SEC14L6: variants seen among roughly 807,000 people sequenced by gnomAD.
SEC14L6 encodes SEC14 like lipid binding 6.
SEC14L6 carries 40 observed loss-of-function variants against 54.1 expected under a neutral mutation model. The ratio of observed to expected loss-of-function variants is 0.74; its 90% CI spans 0.57 to 0.96. The LOEUF (loss-of-function observed/expected upper bound fraction) is 0.96, where lower values mean the gene tolerates loss of function less well. SEC14L6 is among the 40% of genes least tolerant of loss of function. The pLI is 0.00. For missense variants in SEC14L6, 471 were observed against 498.3 expected (o/e 0.95, Z 0.52); for synonymous variants, 171 against 198.4 (o/e 0.86, Z 1.16).
At chr22:30,534,654 G>A (rs1483645645) in intron 2 of SEC14L6, among the ~76,000 whole-genome samples, 3 of 151,868 alleles carry the variant, frequency 2.0e-5, no homozygotes, top group African/African-American at 2.4e-5. Context: ...CAAATGATCC[G>A]CCTGCCTCAC....
intron 6 of SEC14L6, 70 bp downstream of exon 6, chr22:30,531,833 C>T: frequency 8.8e-7 from 1 of 1,137,044 alleles, no homozygotes; most frequent in Non-Finnish European, 1.3e-6. Context: ...CCCTGCCCCA[C>T]ACCAGCAAGT....
At chr22:30,540,974 G>C (rs2085697027) in intron 1 of SEC14L6, among the ~76,000 whole-genome samples, 1 of 143,376 alleles carries the variant, frequency 7.0e-6, no homozygotes, top group African/African-American at 2.6e-5. Context: ...AGCTGAGATT[G>C]CACCACTGCA....
intron 2 of SEC14L6, among the ~76,000 whole-genome samples, chr22:30,536,382 C>A (rs547880432): frequency 2.6e-5 from 4 of 152,140 alleles, no homozygotes; most frequent in African/African-American, 9.7e-5. Flanking sequence ...CCGCCCACCC[C>A]CTACGAACCC....
intron 1 of SEC14L6, chr22:30,543,426 C>T: frequency 6.2e-7 from 1 of 1,609,224 alleles, no homozygotes; most frequent in East Asian, 2.2e-5. Context: ...TACAGTTGAC[C>T]TGGTTGGAGA....
In SEC14L6 at chr22:30,525,951, G is replaced by A; in HGVS notation, c.665-19C>T. 1 of 1,579,386 alleles carries A rather than the reference G, an allele frequency of 6.3e-7. No individual in the cohort carries two copies. Among genetic ancestry groups the A allele is most frequent in the Middle Eastern group, 1.7e-4 (1 of 5,802 alleles). The stretch of plus-strand genomic sequence containing the variant: ...CAGTTGTCTGCATGGGAGCAAGAGA[G>A]GGACTCCAAAGGGACTCAGGAGACT... On this transcript the variant is annotated intron_variant, in intron 8 of 11. Transcript: ENST00000402034.
intron 2 of SEC14L6, among the ~76,000 whole-genome samples, chr22:30,534,665 C>A (rs542413867): frequency 6.6e-6 from 1 of 152,202 alleles, no homozygotes; most frequent in African/African-American, 2.4e-5. Context: ...CCTGCCTCAC[C>A]CCCCAGAATG....
rs1462823988 is a variant in SEC14L6 at position 30,525,514 on chromosome 22, T to C, written c.917A>G (p.Gln306Arg). 6.2e-7 allele frequency: 1 copy of C among 1,613,892 alleles called. No individual in the cohort carries two copies. Among genetic ancestry groups the C allele is most frequent in the African/African-American group, 1.3e-5 (1 of 74,890 alleles). Residue 306 changes from glutamine (Q) to arginine (R), a missense_variant, in exon 11 of 12, where the codon CAG (glutamine) becomes CGG (arginine). Physicochemically the swap from Gln to Arg is conservative, Grantham distance 43 (BLOSUM62 1). Transcript: ENST00000402034. ...AATGTCCCCACCATCTGAAGCAAAC[T>C]GCCACCTGCAGTGGATAGAGCCCCA... ...ILFPGCVLRW[Q>R]FASDGGDIGF...
intron 8 of SEC14L6, among the ~76,000 whole-genome samples, chr22:30,528,215 C>T (rs917058648): frequency 2.0e-5 from 3 of 150,364 alleles, no homozygotes; most frequent in Non-Finnish European, 4.4e-5. Context: ...CTCCGCTTCC[C>T]GGGTTCAAGC....
At chr22:30,528,820 G>T (rs1158034253) in intron 8 of SEC14L6, among the ~76,000 whole-genome samples, 1 of 152,050 alleles carries the variant, frequency 6.6e-6, no homozygotes, top group African/African-American at 2.4e-5. Flanking sequence ...CTAATAACTG[G>T]CAAGGCCAAC....
At position 30,532,522 on chromosome 22, in the gene SEC14L6, C is replaced by T. The variant is rs1937014154; in HGVS notation, c.423+3G>A. ...GCAGCTGCCCAGGGTGGCACCCACACACCTTCTGACTCTGCAGCTCACACT... is the reference window on the plus strand; with the variant it reads ...GCAGCTGCCCAGGGTGGCACCCACATACCTTCTGACTCTGCAGCTCACACT... On this transcript the variant is annotated splice_donor_region_variant and intron_variant, in intron 5 of 11. Transcript: ENST00000402034. 1 of 1,546,028 alleles carries T rather than the reference C, an allele frequency of 6.5e-7. No individual in the cohort carries two copies. Among genetic ancestry groups the T allele is most frequent in the South Asian group, 1.2e-5 (1 of 83,474 alleles).
rs1297527496 is a variant in SEC14L6, at chr22:30,525,443, C to A, written c.988G>T (p.Ala330Ser). 1 of 1,614,084 alleles carries A rather than the reference C, an allele frequency of 6.2e-7. No homozygotes were observed. Among genetic ancestry groups the A allele is most frequent in the East Asian group, 2.2e-5 (1 of 44,892 alleles). ...LKTKMGERQRAREMTEVLPSQ... is the reference protein window; with the variant it reads ...LKTKMGERQRSREMTEVLPSQ... ...GGCAGCACCTCTGTCATCTCCCTAG[C>A]CCTCTGCCGCTCCCCCATCTTGGTC... Residue 330 changes from alanine (A) to serine (S), a missense_variant, in exon 11 of 12, where the codon GCT (alanine) becomes TCT (serine). Ala to Ser is a moderately conservative substitution (Grantham distance 99). Transcript: ENST00000402034.
Position 30,525,664 on chromosome 22 carries a change from G to A in SEC14L6, c.858C>T (p.Arg286=), listed in dbSNP as rs199773465. ...LQYEHTRSVG[R]GSSLQVENEI... The stretch of plus-strand genomic sequence containing the variant: ...CGTTCTCCACCTGCAGGGAGGAGCC[G>A]CGGCCCACGGACCTCGTGTGCTCAT... The change falls in exon 10 of 12, where the codon CGC becomes CGT. Residue 286 remains arginine, a synonymous_variant. Transcript: ENST00000402034. The A allele has an allele frequency of 2.7e-3, 4,347 of 1,611,882 alleles. 66 individuals carry two copies. In the African/African-American group the frequency reaches 0.04, roughly 15 times the overall value.
intron 1 of SEC14L6, chr22:30,543,225 C>T (rs1053648379): frequency 1.7e-5 from 27 of 1,601,966 alleles, no homozygotes; most frequent in Admixed American, 5.0e-5. Flanking sequence ...TGCTGACCCG[C>T]GGGGACATTC....
intron 6 of SEC14L6, among the ~76,000 whole-genome samples, chr22:30,530,373 TG>T (rs1936929777): frequency 6.6e-6 from 1 of 152,116 alleles, no homozygotes. Context: ...CACTCTAGCC[TG>T]GGCAACAGAG....
chr22:30,537,021 CA>C (rs11383409), intron 2 of SEC14L6, among the ~76,000 whole-genome samples: 205 of 78,460 alleles, frequency 2.6e-3, no homozygotes, highest in East Asian at 9.5e-3. Flanking sequence ...GACTCTGACT[CA>C]AAAAAAAAAA....
At chr22:30,532,225 C>A in intron 5 of SEC14L6, 1 of 985,430 alleles carries the variant, frequency 1.0e-6, no homozygotes, top group South Asian at 4.7e-5. Context: ...TGTTGCAGTT[C>A]CCTCTTCGGT....
intron 1 of SEC14L6, chr22:30,544,425 G>C: frequency 5.7e-6 from 1 of 175,558 alleles, no homozygotes; most frequent in South Asian, 1.6e-4. Flanking sequence ...CCGATGCTCC[G>C]AAGCCTGATC....
intron 1 of SEC14L6, 93 bp downstream of exon 1, chr22:30,546,536 A>C: frequency 2.5e-6 from 3 of 1,179,350 alleles, no homozygotes; most frequent in Non-Finnish European, 3.7e-6. Context: ...AGAGCTGGAG[A>C]GTTCAGAAGA....
rs11383409 is a variant in SEC14L6 at position 30,537,021 on chromosome 22, C to CAAA, written c.130+1803_130+1805dup. On this transcript the variant is annotated intron_variant, in intron 2 of 11. Coordinates refer to ENST00000402034, the MANE Select transcript of SEC14L6 (RefSeq NM_001193336.4). ...CCTGGGTGACAGTGAGACTCTGACT[C>CAAA]AAAAAAAAAAAAAAAAAAAAGGAAA... Among the ~76,000 whole-genome samples, 14 of 78,382 alleles carry CAAA rather than the reference C, an allele frequency of 1.8e-4. 1 individual carries two copies. Among genetic ancestry groups the CAAA allele is most frequent in the East Asian group, 4.1e-4 (1 of 2,426 alleles). The allele number at this position is 78,382 out of a possible 152,430, so 51.4% of individuals were successfully genotyped here. A position where few individuals can be genotyped will look rare whatever the true frequency, so the allele number is the denominator to read the frequency against.
Sources: gnomAD v4.1 joint callset for allele counts (sites outside exome capture counted in the v4.1 genomes callset) on GRCh38, gnomAD v4.1.1 for gene constraint, MANE v1.5 for transcripts, NCBI Gene and HGNC (gene_info 2026-07-23, HGNC 2026-07-21) for gene names.